The following ABCA13 variants were observed in gnomAD, a reference collection of about 807,000 sequenced individuals.
ABCA13 encodes ATP binding cassette subfamily A member 13.
A neutral mutation model predicts 478.7 loss-of-function variants in ABCA13; 476 were observed. The observed-to-expected ratio is 0.99, with a 90% confidence interval of 0.92 to 1.07. The LOEUF (loss-of-function observed/expected upper bound fraction) is 1.07. ABCA13 is among the 50% of genes least tolerant of loss of function. The probability of loss-of-function intolerance (pLI) is 0.00; values close to 1 mark genes in which losing one functional copy is unlikely to be tolerated. For synonymous variants in ABCA13, 2,252 were observed against 2,158.9 expected (o/e 1.04, Z -1.20); for missense variants, 6,060 against 5,910.6 (o/e 1.03, Z -0.83).
chr7:48,266,850 A>G (rs916680357), intron 15 of ABCA13, among the ~76,000 whole-genome samples: 3 of 151,952 alleles, frequency 2.0e-5, no homozygotes, highest in African/African-American at 7.2e-5. Context: ...TGCTGATTTT[A>G]GAGGCATCCC....
chr7:48,190,826 A>G (rs964081191), intron 1 of ABCA13, among the ~76,000 whole-genome samples: 2 of 152,186 alleles, frequency 1.3e-5, no homozygotes, highest in Admixed American at 6.5e-5. Flanking sequence ...TTTATCCTAT[A>G]GGAGAGTGGT....
At position 48,578,332 on chromosome 7, in the gene ABCA13, G is replaced by T. The variant is rs897102823; in HGVS notation, c.14355-1892G>T. On this transcript the variant is annotated intron_variant, in intron 55 of 61. Transcript: ENST00000435803. ...TATATGTAGAAACTCCCAAAGAATT[G>T]TCAAAAAAATACTCCTAGAACTAAT... Among the ~76,000 whole-genome samples, 7 of 152,136 alleles carry T rather than the reference G, an allele frequency of 4.6e-5. 1 individual carries two copies. Among genetic ancestry groups the T allele is most frequent in the Admixed American group, 4.6e-4 (7 of 15,272 alleles).
rs1032002490 is a variant in ABCA13 at position 48,171,614 on chromosome 7, A to G, written c.69+62A>G. 5 of 1,509,678 alleles carry G rather than the reference A, an allele frequency of 3.3e-6. No individual in the cohort carries two copies. In the African/African-American group the frequency reaches 4.1e-5, roughly 13 times the overall value. 93.5% of individuals were successfully genotyped at this position (1,509,678 alleles called of 1,614,324 possible). A position where few individuals can be genotyped will look rare whatever the true frequency, so the allele number is the denominator to read the frequency against. On this transcript the variant is annotated intron_variant, in intron 1 of 61. Coordinates refer to ENST00000435803, the MANE Select transcript of ABCA13 (RefSeq NM_152701.5). ...GAGGTCTGGAGCAAGATCAGGGTCT[A>G]TTCTTTCCTGCCTGCCTCTGCCTCC...
chr7:48,317,135 T>C (rs1802712698), intron 26 of ABCA13, 22 bp from the exon 27 acceptor site: 1 of 1,597,416 alleles, frequency 6.3e-7, no homozygotes, highest in Non-Finnish European at 8.5e-7. Flanking sequence ...AGCAACTTTT[T>C]TTTTCTTTCT....
chr7:48,626,380 G>A (rs1215585272), intron 59 of ABCA13, among the ~76,000 whole-genome samples: 1 of 152,110 alleles, frequency 6.6e-6, no homozygotes, highest in Non-Finnish European at 1.5e-5. Flanking sequence ...AGAGGTAGTG[G>A]CACAGAGATG....
chr7:48,191,089 A>G (rs1405714442), intron 1 of ABCA13, among the ~76,000 whole-genome samples: 1 of 152,116 alleles, frequency 6.6e-6, no homozygotes, highest in Non-Finnish European at 1.5e-5. Context: ...TATTTTGCTT[A>G]CTTATATTCA....
At chr7:48,633,070 G>C (rs894416768) in intron 59 of ABCA13, among the ~76,000 whole-genome samples, 2 of 152,006 alleles carry the variant, frequency 1.3e-5, no homozygotes, top group African/African-American at 4.8e-5. Flanking sequence ...AAGACAAAAA[G>C]TAAATTAATT....
rs1563141325 is a variant in ABCA13 at position 48,372,355 on chromosome 7, T to G, written c.10991T>G (p.Leu3664Arg). The change falls in exon 33 of 62, where the codon CTG becomes CGG. Residue 3664 changes from leucine (L) to arginine (R), a missense_variant. Coordinates refer to ENST00000435803, the MANE Select transcript of ABCA13 (RefSeq NM_152701.5). ...GATTTTGGGATGTCAGTCGTCATGC[T>G]GAGCTACCTCTTGAGTGCATTTTTC... ...LLDFGMSVVM[L>R]SYLLSAFFSQ... 1 of 1,613,978 alleles carries G rather than the reference T, an allele frequency of 6.2e-7. No homozygotes were observed. The highest frequency in any genetic ancestry group is 2.2e-5 in the East Asian group (1 of 44,884).
At position 48,278,964 on chromosome 7, in the gene ABCA13, G is replaced by C. The variant is rs767183253; in HGVS notation, c.7770G>C (p.Leu2590Phe). 5 of 1,613,384 alleles carry C rather than the reference G, an allele frequency of 3.1e-6. No homozygotes were observed. The South Asian group carries it at 4.4e-5, about 14-fold the overall frequency. ...DHFTFEKIND[L>F]LVPFLDLAFE... is the part of the protein sequence containing the mutation. ...TCACATTTGAAAAGATAAATGATTT[G>C]TTGGTGCCATTTCTTGACTTGGCCT... Residue 2590 changes from leucine to phenylalanine, a missense_variant, in exon 18 of 62, where the codon TTG becomes TTC. By Grantham distance (22) the Leu-to-Phe change is conservative. This residue lies in a region of ABCA13 where 4,423 missense variants were observed against 4,309.1 expected (regional missense o/e 1.03). Coordinates refer to ENST00000435803, the MANE Select transcript of ABCA13 (RefSeq NM_152701.5).
chr7:48,575,087 A>G (rs191178684), intron 55 of ABCA13, among the ~76,000 whole-genome samples: 1 of 152,172 alleles, frequency 6.6e-6, no homozygotes, highest in Admixed American at 6.5e-5. Context: ...ACATGTAAAC[A>G]TTTTATGGTA....
At chr7:48,490,530 T>C (rs893637076) in intron 48 of ABCA13, among the ~76,000 whole-genome samples, 5 of 152,318 alleles carry the variant, frequency 3.3e-5, no homozygotes, top group African/African-American at 1.2e-4. Flanking sequence ...CTGGTGGGCA[T>C]GAATACAGCA....
At chr7:48,235,717 A>G (rs1222035470) in intron 8 of ABCA13, among the ~76,000 whole-genome samples, 2 of 152,170 alleles carry the variant, frequency 1.3e-5, no homozygotes, top group Non-Finnish European at 2.9e-5. Context: ...TCCATCTTCA[A>G]TGGCTGGGGC....
intron 59 of ABCA13, among the ~76,000 whole-genome samples, chr7:48,623,004 A>G (rs1260140841): frequency 6.6e-6 from 1 of 152,092 alleles, no homozygotes; most frequent in African/African-American, 2.4e-5. Context: ...TGAGCCTCCT[A>G]CCTGTGGTGG....
chr7:48,615,842 A>G (rs565497402), intron 59 of ABCA13, among the ~76,000 whole-genome samples: 1 of 152,288 alleles, frequency 6.6e-6, no homozygotes, highest in African/African-American at 2.4e-5. Flanking sequence ...GAGGGTTGTT[A>G]TGGTTGCTTT....
chr7:48,247,094 C>T (rs1791812608), intron 13 of ABCA13, among the ~76,000 whole-genome samples: 1 of 151,856 alleles, frequency 6.6e-6, no homozygotes, highest in Non-Finnish European at 1.5e-5. Context: ...AAAAATTAGC[C>T]AGATGTGGTG....
chr7:48,626,225 T>A (rs1011358765), intron 59 of ABCA13, among the ~76,000 whole-genome samples: 1 of 151,986 alleles, frequency 6.6e-6, no homozygotes, highest in Non-Finnish European at 1.5e-5. Context: ...GACAAGAAGG[T>A]TTCAAAGCCC....
At chr7:48,543,351 C>T (rs892093113) in intron 55 of ABCA13, among the ~76,000 whole-genome samples, 4 of 151,686 alleles carry the variant, frequency 2.6e-5, no homozygotes, top group African/African-American at 7.3e-5. Flanking sequence ...TAGCTGGGCA[C>T]GGTGGCTCAC....
intron 14 of ABCA13, 102 bp from the exon 15 acceptor site, chr7:48,249,110 C>A: frequency 2.1e-6 from 2 of 949,750 alleles, no homozygotes; most frequent in Non-Finnish European, 1.6e-6. Flanking sequence ...AGTGGACTGC[C>A]ATGCATTTGC....
intron 19 of ABCA13, among the ~76,000 whole-genome samples, chr7:48,286,821 A>G (rs561178074): frequency 6.6e-5 from 10 of 152,170 alleles, no homozygotes; most frequent in Non-Finnish European, 1.5e-4. Context: ...TTTATAAAGG[A>G]CTTTTGAGAA....
Sources: allele counts gnomAD v4.1 joint callset (sites outside exome capture counted in the v4.1 genomes callset), GRCh38; gene constraint gnomAD v4.1.1; regional missense constraint gnomAD v4.1.1; transcripts MANE v1.5; gene names NCBI Gene and HGNC (gene_info 2026-07-23, HGNC 2026-07-21).